The following NDUFV2 variants were observed in gnomAD, a reference collection of about 807,000 sequenced individuals.
NDUFV2 encodes the protein NADH dehydrogenase [ubiquinone] flavoprotein 2, mitochondrial.
In NDUFV2, 18 loss-of-function variants were observed where a neutral mutation model predicts 31.6. That is an observed-to-expected ratio of 0.57 (90% confidence interval 0.39 to 0.84). The LOEUF (loss-of-function observed/expected upper bound fraction) is 0.84. Among genes scored for constraint, NDUFV2 ranks in the 40% least tolerant of loss-of-function variants. The pLI, the probability that NDUFV2 is intolerant of heterozygous loss-of-function variation, is 0.00. For missense variants in NDUFV2, 314 were observed against 303.6 expected, an observed-to-expected ratio of 1.03 and a Z score of -0.26; for synonymous variants, 83 against 99.8, an observed-to-expected ratio of 0.83 and a Z score of 1.01.
At chr18:9,108,493 GATA>G (rs2077852781) in intron 1 of NDUFV2, among the ~76,000 whole-genome samples, 2 of 152,096 alleles carry the variant, frequency 1.3e-5, no homozygotes, top group Admixed American at 1.3e-4. Flanking sequence ...TGTAAAACAA[GATA>G]ATAATACCTA....
intron 4 of NDUFV2, among the ~76,000 whole-genome samples, chr18:9,119,876 T>C (rs2077922339): frequency 6.6e-6 from 1 of 152,080 alleles, no homozygotes; most frequent in African/African-American, 2.4e-5. Context: ...AGATTCCAAA[T>C]GTGTATAACT....
At chr18:9,122,396 G>A in intron 4 of NDUFV2, 117 bp from the exon 5 acceptor site, 1 of 931,480 alleles carries the variant, frequency 1.1e-6, no homozygotes, top group East Asian at 2.5e-5. Flanking sequence ...TGCTCTTGAA[G>A]AACTTTTCTG....
intron 1 of NDUFV2, among the ~76,000 whole-genome samples, chr18:9,111,507 C>CA (rs1363182331): frequency 6.6e-6 from 1 of 151,832 alleles, no homozygotes; most frequent in Non-Finnish European, 1.5e-5. Flanking sequence ...GGGCTCACTG[C>CA]AACCTCTGCA....
intron 1 of NDUFV2, among the ~76,000 whole-genome samples, chr18:9,108,576 CAT>C (rs2077853304): frequency 2.0e-5 from 3 of 150,600 alleles, no homozygotes; most frequent in Non-Finnish European, 4.4e-5. Context: ...TGAGATCTGA[CAT>C]AGAGTAAGCA....
chr18:9,131,194 T>C (rs796448057), intron 7 of NDUFV2, among the ~76,000 whole-genome samples: 7 of 152,340 alleles, frequency 4.6e-5, no homozygotes, highest in African/African-American at 1.7e-4. Context: ...AAGTGGATCA[T>C]AGTACAAGTC....
chr18:9,113,195 CATGGA>C (rs2077880419), intron 1 of NDUFV2, among the ~76,000 whole-genome samples: 1 of 152,180 alleles, frequency 6.6e-6, no homozygotes. Context: ...AGATGTATTT[CATGGA>C]AAGTGTTTAA....
chr18:9,134,045 A>C (rs1414154361), intron 7 of NDUFV2, 141 bp from the exon 8 acceptor site: 4 of 606,058 alleles, frequency 6.6e-6, no homozygotes, highest in Non-Finnish European at 1.2e-5. Flanking sequence ...CATCAGTTGA[A>C]ATGTTTGAAT....
At chr18:9,124,447 CTTTT>C (rs534490648) in intron 5 of NDUFV2, among the ~76,000 whole-genome samples, 4 of 113,386 alleles carry the variant, frequency 3.5e-5, no homozygotes, top group Non-Finnish European at 3.7e-5. Flanking sequence ...TTTTAAAAAA[CTTTT>C]TTTTTTTTTT....
Position 9,124,917 on chromosome 18 carries a change from T to C in NDUFV2, c.513T>C (p.Leu171=). ...CTACACCTGACAAACTTTTCACTCT[T>C]ATAGAAGTGGAATGTTTAGGGGCCT... ...GETTPDKLFT[L]IEVECLGACV... The change falls in exon 6 of 8, where the codon CTT becomes CTC. Residue 171 remains leucine (L), a synonymous_variant. Transcript: ENST00000318388. The C allele has an allele frequency of 1.9e-6, 3 of 1,613,388 alleles. No homozygotes were observed. In the South Asian group the frequency reaches 3.3e-5, roughly 18 times the overall value.
chr18:9,129,163 A>G (rs1035336712), intron 7 of NDUFV2, among the ~76,000 whole-genome samples: 4 of 152,046 alleles, frequency 2.6e-5, no homozygotes, highest in African/African-American at 9.7e-5. Context: ...GTGGTCTCGA[A>G]CTCCTGACCT....
At chr18:9,108,135 GTTATC>G (rs2077850983) in intron 1 of NDUFV2, among the ~76,000 whole-genome samples, 1 of 152,146 alleles carries the variant, frequency 6.6e-6, no homozygotes, top group African/African-American at 2.4e-5. Context: ...CATTAATGCT[GTTATC>G]TTAATCTGTA....
At chr18:9,129,312 T>G (rs1218316674) in intron 7 of NDUFV2, among the ~76,000 whole-genome samples, 1 of 152,158 alleles carries the variant, frequency 6.6e-6, no homozygotes, top group Non-Finnish European at 1.5e-5. Context: ...TAATCTAGTA[T>G]TACTCTCCTG....
At chr18:9,127,864 C>T (rs992161973) in intron 7 of NDUFV2, among the ~76,000 whole-genome samples, 3 of 152,172 alleles carry the variant, frequency 2.0e-5, no homozygotes, top group Non-Finnish European at 4.4e-5. Flanking sequence ...ATAATTGTGC[C>T]TAATTATATC....
At chr18:9,104,479 G>A (rs778930065) in intron 1 of NDUFV2, among the ~76,000 whole-genome samples, 1 of 152,196 alleles carries the variant, frequency 6.6e-6, no homozygotes, top group African/African-American at 2.4e-5. Context: ...GGTGAAAGAT[G>A]ATGAGGATCA....
intron 1 of NDUFV2, among the ~76,000 whole-genome samples, chr18:9,110,814 T>A (rs2077866333): frequency 6.6e-6 from 1 of 152,220 alleles, no homozygotes; most frequent in African/African-American, 2.4e-5. Context: ...GGCCAGCTTC[T>A]TTTATTTTAT....
chr18:9,131,714 C>G (rs2078041722), intron 7 of NDUFV2, among the ~76,000 whole-genome samples: 1 of 152,116 alleles, frequency 6.6e-6, no homozygotes, highest in South Asian at 2.1e-4. Flanking sequence ...TTCTAGAAAG[C>G]AAATAAGTTA....
chr18:9,110,668 T>C (rs985626841), intron 1 of NDUFV2, among the ~76,000 whole-genome samples: 2 of 152,098 alleles, frequency 1.3e-5, no homozygotes, highest in African/African-American at 4.8e-5. Context: ...CCACCATGCC[T>C]GGCTAACTTT....
intron 2 of NDUFV2, among the ~76,000 whole-genome samples, chr18:9,118,540 T>C (rs1440501154): frequency 6.6e-6 from 1 of 152,184 alleles, no homozygotes; most frequent in Non-Finnish European, 1.5e-5. Flanking sequence ...TTTGAGATCA[T>C]TGTCCAGAGT....
intron 7 of NDUFV2, among the ~76,000 whole-genome samples, chr18:9,131,874 G>GTGGC (rs2078043171): frequency 6.6e-6 from 1 of 152,152 alleles, no homozygotes; most frequent in South Asian, 2.1e-4. Flanking sequence ...AGTGTAAATT[G>GTGGC]TGGCTGTCAG....
Sources: gnomAD v4.1 joint callset for allele counts (sites outside exome capture counted in the v4.1 genomes callset) on GRCh38, gnomAD v4.1.1 for gene constraint, MANE v1.5 for transcripts, NCBI Gene and HGNC (gene_info 2026-07-23, HGNC 2026-07-21) for gene names.